The following LRRC9 variants were observed in gnomAD, a reference collection of about 807,000 sequenced individuals.
LRRC9 encodes the protein leucine rich repeat containing 9.
Under a neutral mutation model 63.2 loss-of-function variants are expected in LRRC9, and 122 were observed. The observed-to-expected ratio is 1.93, with a 90% CI of 1.67 to 2.24. The LOEUF (loss-of-function observed/expected upper bound fraction) is 2.24. Among genes scored for constraint, LRRC9 ranks in the 30% most tolerant of loss-of-function variants. The pLI is 0.00. For synonymous variants in LRRC9, 366 were observed against 213.1 expected, an observed-to-expected ratio of 1.72 and a Z score of -6.25; for missense variants, 1,071 against 627.7, an observed-to-expected ratio of 1.71 and a Z score of -7.55.
intron 30 of LRRC9, 186 bp from the exon 31 acceptor site, chr14:60,057,692 T>G (rs1595129813): frequency 2.6e-6 from 1 of 379,758 alleles, no homozygotes; most frequent in Non-Finnish European, 4.7e-6. Context: ...CTGAGGGAGG[T>G]TAACTCCCCA....
intron 12 of LRRC9, among the ~76,000 whole-genome samples, chr14:59,967,914 AGTT>A (rs1025711228): frequency 3.9e-4 from 59 of 152,306 alleles, no homozygotes; most frequent in African/African-American, 1.2e-3. Flanking sequence ...TATTTTGCAG[AGTT>A]GTTGTTAGGA....
Position 59,992,684 on chromosome 14 carries a change from G to A in LRRC9, c.2212-4972G>A, listed in dbSNP as rs572303191. Among the ~76,000 whole-genome samples the A allele has an allele frequency of 7.9e-5, 12 of 152,272 alleles. No homozygotes were observed. The South Asian group carries it at 1.7e-3, about 21-fold the overall frequency. On this transcript the variant is annotated intron_variant, in intron 17 of 31. Coordinates refer to ENST00000445360, the Ensembl canonical transcript of LRRC9. ...AATACACAAGCTTAGTAGCCAATTC[G>A]ATCAACTGGAAGAAAGGGTACCAGT...
chr14:60,015,547 G>C (rs949479386), intron 23 of LRRC9, among the ~76,000 whole-genome samples: 1 of 152,150 alleles, frequency 6.6e-6, no homozygotes, highest in Non-Finnish European at 1.5e-5. Context: ...TGCTAGGCTA[G>C]AGTTGGAGTT....
intron 8 of LRRC9, among the ~76,000 whole-genome samples, chr14:59,955,484 G>T (rs1225237669): frequency 1.3e-5 from 2 of 152,104 alleles, no homozygotes; most frequent in Non-Finnish European, 2.9e-5. Context: ...GGGATCAATG[G>T]TGATATCCCC....
intron 10 of LRRC9, among the ~76,000 whole-genome samples, chr14:59,963,777 C>T (rs1884573947): frequency 6.6e-6 from 1 of 152,120 alleles, no homozygotes. Flanking sequence ...CAAGGAGCTA[C>T]ATAAGCAGAA....
intron 6 of LRRC9, among the ~76,000 whole-genome samples, chr14:59,934,930 A>G (rs1594815435): frequency 6.6e-6 from 1 of 152,136 alleles, no homozygotes; most frequent in East Asian, 1.9e-4. Flanking sequence ...TGAACTCCAC[A>G]TGACTAGTAG....
intron 1 of LRRC9, among the ~76,000 whole-genome samples, chr14:59,924,102 C>T (rs569466750): frequency 6.6e-6 from 1 of 152,288 alleles, no homozygotes; most frequent in East Asian, 1.9e-4. Context: ...CAATAGTTAT[C>T]TTGGACAAAG....
intron 29 of LRRC9, among the ~76,000 whole-genome samples, chr14:60,050,446 A>C (rs1224533790): frequency 6.6e-6 from 1 of 152,206 alleles, no homozygotes; most frequent in African/African-American, 2.4e-5. Flanking sequence ...TAAACTGACT[A>C]TTCTGATTAT....
intron 9 of LRRC9, among the ~76,000 whole-genome samples, chr14:59,960,586 G>A (rs758851451): frequency 1.3e-5 from 2 of 152,118 alleles, no homozygotes; most frequent in Non-Finnish European, 2.9e-5. Context: ...AACCATTTTA[G>A]GAATAAGGAC....
At chr14:60,059,916 A>C (rs529788696) in intron 31 of LRRC9, among the ~76,000 whole-genome samples, 71 of 152,358 alleles carry the variant, frequency 4.7e-4, no homozygotes, top group African/African-American at 1.6e-3. Flanking sequence ...ATGTAGATGC[A>C]ACAGCCTTAT....
rs1566865325 is a variant in LRRC9 at position 60,001,961 on chromosome 14, ATTAG to A, written c.2530-1_2532del. 2 of 640,046 alleles carry A rather than the reference ATTAG, an allele frequency of 3.1e-6. No homozygotes were observed. Among genetic ancestry groups the A allele is most frequent in the Non-Finnish European group, 5.6e-6 (2 of 358,320 alleles). The allele number at this position is 640,046 out of a possible 1,614,324, so 39.6% of individuals were successfully genotyped here. A position where few individuals can be genotyped will look rare whatever the true frequency, so the allele number is the denominator to read the frequency against. ...TTTTTCACTGTATTTTTTAAATTTT[ATTAG>A]TTATCTCTCTTACGGCATTCTAGTA... is the stretch of plus-strand genomic sequence containing the variant. On this transcript the variant is annotated splice_acceptor_variant and splice_polypyrimidine_tract_variant and intron_variant, in intron 19 of 31. Coordinates refer to ENST00000445360, the Ensembl canonical transcript of LRRC9. LOFTEE classifies it high-confidence loss of function.
intron 29 of LRRC9, among the ~76,000 whole-genome samples, chr14:60,044,245 G>A (rs1893217097): frequency 6.6e-6 from 1 of 151,856 alleles, no homozygotes; most frequent in Non-Finnish European, 1.5e-5. Flanking sequence ...TTTTGAAAAA[G>A]CAACTTTTTG....
intron 23 of LRRC9, among the ~76,000 whole-genome samples, chr14:60,010,554 T>C (rs914458885): frequency 2.6e-5 from 4 of 152,228 alleles, no homozygotes; most frequent in African/African-American, 9.6e-5. Context: ...CCCATTCTCT[T>C]GGCGATTTGC....
intron 15 of LRRC9, among the ~76,000 whole-genome samples, chr14:59,979,606 C>T (rs984506891): frequency 2.6e-5 from 4 of 151,594 alleles, no homozygotes; most frequent in African/African-American, 4.8e-5. Flanking sequence ...AGCGAGACTC[C>T]GTCTCAAAAA....
At chr14:59,993,466 T>C (rs1157553397) in intron 17 of LRRC9, among the ~76,000 whole-genome samples, 3 of 152,242 alleles carry the variant, frequency 2.0e-5, no homozygotes, top group Non-Finnish European at 4.4e-5. Context: ...ATAACAATAT[T>C]AAACTTAAAT....
At chr14:59,934,929 C>T (rs1890009665) in intron 6 of LRRC9, among the ~76,000 whole-genome samples, 1 of 152,014 alleles carries the variant, frequency 6.6e-6, no homozygotes, top group South Asian at 2.1e-4. Flanking sequence ...TTGAACTCCA[C>T]ATGACTAGTA....
rs1263357958 is a variant in LRRC9, at chr14:60,017,696, AG to A, written c.3318-674del. Among the ~76,000 whole-genome samples the A allele has an allele frequency of 6.6e-6, 1 of 152,124 alleles. No homozygotes were observed. The highest frequency in any genetic ancestry group is 6.6e-5 in the Admixed American group (1 of 15,258). On this transcript the variant is annotated intron_variant, in intron 24 of 31. Coordinates refer to ENST00000445360, the Ensembl canonical transcript of LRRC9. The surrounding 1 kb of genome is among the most constrained non-coding windows in gnomAD (Gnocchi z 4.0). The stretch of plus-strand genomic sequence containing the variant: ...AATGAATGACTTATTAGTGGGTAAA[AG>A]TATGTCATAATTGTAACTTCAAGTT...
rs1890115506 is a variant in LRRC9 at position 59,936,086 on chromosome 14, T to C, written c.544-2304T>C. The stretch of plus-strand genomic sequence containing the variant: ...ACATGAAGTTTTGGTGAAATAACAA[T>C]GTAAAGTACCTAAATAGTGACCAGC... On this transcript the variant is annotated intron_variant, in intron 6 of 31. Coordinates refer to ENST00000445360, the Ensembl canonical transcript of LRRC9. The surrounding 1 kb of genome is among the most constrained non-coding windows in gnomAD (Gnocchi z 4.2). 1.3e-5 allele frequency among the ~76,000 whole-genome samples: 2 copies of C among 152,132 alleles called. No homozygotes were observed. The highest frequency in any genetic ancestry group is 1.3e-4 in the Admixed American group (2 of 15,264).
chr14:60,044,120 C>A (rs968103117), intron 29 of LRRC9, among the ~76,000 whole-genome samples: 1 of 151,842 alleles, frequency 6.6e-6, no homozygotes, highest in Non-Finnish European at 1.5e-5. Context: ...CTCAATAATT[C>A]TTTGTATTTC....
Sources: allele counts gnomAD v4.1 joint callset (sites outside exome capture counted in the v4.1 genomes callset), GRCh38; gene constraint gnomAD v4.1.1; non-coding constraint Gnocchi (gnomAD v3.1); transcripts MANE v1.5; gene names NCBI Gene and HGNC (gene_info 2026-07-23, HGNC 2026-07-21).